Variants in EPC1 observed in about 807,000 individuals in gnomAD.
EPC1 encodes enhancer of polycomb homolog 1.
EPC1 carries 12 observed loss-of-function variants against 98.4 expected under a neutral mutation model. The ratio of observed to expected loss-of-function variants is 0.12; its 90% CI spans 0.08 to 0.20. EPC1 has a LOEUF of 0.20. Ranked by LOEUF, EPC1 falls within the 10% of genes least tolerant of loss-of-function variation. The pLI is 1.00. For missense variants in EPC1, 729 were observed against 990.5 expected, an observed-to-expected ratio of 0.74 and a Z score of 3.54; for synonymous variants, 357 against 363.9, an observed-to-expected ratio of 0.98 and a Z score of 0.21.
Position 32,271,863 on chromosome 10 carries a change from G to C in EPC1, c.2060C>G (p.Thr687Arg), listed in dbSNP as rs1193755127. The C allele has an allele frequency of 6.2e-7, 1 of 1,614,162 alleles. No individual in the cohort carries two copies. The highest frequency in any genetic ancestry group is 8.5e-7 in the Non-Finnish European group (1 of 1,180,026). ...SSTTPTALVHTSPSTAGSALL... is the reference protein window; with the variant it reads ...SSTTPTALVHRSPSTAGSALL... ...AGCTGAACCTGCCGTTGATGGACTT[G>C]TATGTACAAGTGCTGTTGGTGTAGT... is the stretch of plus-strand genomic sequence containing the variant. The change falls in exon 13 of 14, where the codon ACA becomes AGA. Residue 687 changes from threonine (T) to arginine (R), a missense_variant. Thr to Arg is a moderately conservative substitution (Grantham distance 71). Coordinates refer to ENST00000319778, the MANE Select transcript of EPC1 (RefSeq NM_001272004.3).
chr10:32,293,102 G>A lies in EPC1; in HGVS notation c.552C>T (p.Asn184=). 1 of 1,613,184 alleles carries A rather than the reference G, an allele frequency of 6.2e-7. No individual in the cohort carries two copies. Among genetic ancestry groups the A allele is most frequent in the Non-Finnish European group, 8.5e-7 (1 of 1,179,370 alleles). ...ATGGAATAAGAGATGGCCCTCGACA[G>A]TTTTTTCTCTTTTTAATCCAATATT... ...VYEYWIKKRK[N]CRGPSLIPSV... Residue 184 remains asparagine (N), a synonymous_variant, in exon 4 of 14, where the codon AAC becomes AAT. Transcript: ENST00000319778.
At chr10:32,352,344 G>A (rs1371350834) in intron 1 of EPC1, among the ~76,000 whole-genome samples, 1 of 151,866 alleles carries the variant, frequency 6.6e-6, no homozygotes, top group Non-Finnish European at 1.5e-5. Flanking sequence ...ACTGCGCCCC[G>A]CCCAGCTGTA....
intron 6 of EPC1, among the ~76,000 whole-genome samples, chr10:32,290,919 C>T (rs112038915): frequency 0.05 from 7,608 of 151,786 alleles, 606 homozygotes; most frequent in African/African-American, 0.17. Flanking sequence ...GGATTGCAGG[C>T]GCATGCCACC....
intron 1 of EPC1, among the ~76,000 whole-genome samples, chr10:32,332,572 G>A (rs975510181): frequency 4.6e-5 from 7 of 152,224 alleles, no homozygotes; most frequent in Admixed American, 1.3e-4. Context: ...CACACAGGTA[G>A]TAGAGAGAAC....
intron 1 of EPC1, among the ~76,000 whole-genome samples, chr10:32,378,185 A>G (rs2133135128): frequency 6.6e-6 from 1 of 152,342 alleles, no homozygotes; most frequent in South Asian, 2.1e-4. Context: ...GAGGATATGC[A>G]CATATTTGGC....
intron 10 of EPC1, among the ~76,000 whole-genome samples, chr10:32,277,240 T>C (rs1836151765): frequency 6.6e-6 from 1 of 152,080 alleles, no homozygotes; most frequent in South Asian, 2.1e-4. Context: ...ATCCTATGTG[T>C]GGGACAGGAT....
chr10:32,368,927 T>G (rs151274161), intron 1 of EPC1, among the ~76,000 whole-genome samples: 267 of 152,278 alleles, frequency 1.8e-3, no homozygotes, highest in Middle Eastern at 3.4e-3. Context: ...CTTTGTTTGA[T>G]AGAAGAAGAA....
chr10:32,332,520 C>A (rs1837700631), intron 1 of EPC1, among the ~76,000 whole-genome samples: 1 of 152,212 alleles, frequency 6.6e-6, no homozygotes, highest in African/African-American at 2.4e-5. Flanking sequence ...TGCTGTCTTA[C>A]CACTTGGTAC....
intron 1 of EPC1, among the ~76,000 whole-genome samples, chr10:32,343,782 A>T (rs1235699188): frequency 2.6e-5 from 4 of 152,214 alleles, no homozygotes; most frequent in African/African-American, 9.6e-5. Flanking sequence ...TAGTATTAAA[A>T]CTGGTTAAAT....
intron 2 of EPC1, among the ~76,000 whole-genome samples, chr10:32,299,427 C>T (rs1051311398): frequency 1.3e-5 from 2 of 152,076 alleles, no homozygotes; most frequent in African/African-American, 4.8e-5. Flanking sequence ...TTCAGGTGGC[C>T]CGCCCACCTT....
chr10:32,366,909 T>TAA (rs1213938727), intron 1 of EPC1, among the ~76,000 whole-genome samples: 1 of 151,534 alleles, frequency 6.6e-6, no homozygotes, highest in Non-Finnish European at 1.5e-5. Context: ...ATTCCAGAGC[T>TAA]AAAAAAAAAT....
At chr10:32,373,086 TA>T (rs1839796431) in intron 1 of EPC1, among the ~76,000 whole-genome samples, 1 of 152,098 alleles carries the variant, frequency 6.6e-6, no homozygotes, top group Non-Finnish European at 1.5e-5. Flanking sequence ...CATGTGATAG[TA>T]AAGAAAAGGA....
At chr10:32,345,181 TC>T (rs1175185181) in intron 1 of EPC1, 20 of 984,204 alleles carry the variant, frequency 2.0e-5, no homozygotes, top group Non-Finnish European at 2.4e-5. Context: ...GCCATGCTAC[TC>T]TAAAGTTGAT....
At position 32,286,797 on chromosome 10, in the gene EPC1, C is replaced by G. The variant is rs1356527185; in HGVS notation, c.1288G>C (p.Asp430His). ...TGNWPWTSPKDGGLGDVRYRY... is the reference protein window; with the variant it reads ...TGNWPWTSPKHGGLGDVRYRY... ...TATCGCACATCCCCTAATCCTCCATCTTTAGGACTAGTCCAAGGCCAGTTG... is the reference window on the plus strand; with the variant it reads ...TATCGCACATCCCCTAATCCTCCATGTTTAGGACTAGTCCAAGGCCAGTTG... The change falls in exon 9 of 14, where the codon GAT becomes CAT. Residue 430 changes from aspartate (D) to histidine (H), a missense_variant. By Grantham distance (81) the Asp-to-His change is moderately conservative. Transcript: ENST00000319778. 6.2e-7 allele frequency: 1 copy of G among 1,614,048 alleles called. No individual in the cohort carries two copies. Among genetic ancestry groups the G allele is most frequent in the East Asian group, 2.2e-5 (1 of 44,878 alleles).
intron 1 of EPC1, among the ~76,000 whole-genome samples, chr10:32,313,570 T>C (rs149804171): frequency 1.3e-5 from 2 of 152,304 alleles, no homozygotes; most frequent in South Asian, 2.1e-4. Flanking sequence ...TCTGCAGGAA[T>C]TGGAGTTAAG....
At chr10:32,347,223 G>A (rs1273158457), upstream of EPC1, 10 of 1,222,786 alleles carry the variant, frequency 8.2e-6, no homozygotes, top group Admixed American at 8.6e-5. Flanking sequence ...GCACGCGGGC[G>A]GGGGGAGGGA....
rs1835702289 is a variant in EPC1 at position 32,268,861 on chromosome 10, ATTC to A, written c.*199_*201del. The A allele has an allele frequency of 3.9e-6, 2 of 513,996 alleles. No homozygotes were observed. Among genetic ancestry groups the A allele is most frequent in the African/African-American group, 1.9e-5 (1 of 51,596 alleles). The allele number at this position is 513,996 out of a possible 1,614,324, so 31.8% of individuals were successfully genotyped here. A position where few individuals can be genotyped will look rare whatever the true frequency, so the allele number is the denominator to read the frequency against. Reference sequence around the variant, plus strand: ...GCAGTACTGTACAGATAATTGCTGTATTCTTAATTTACAGATGTTGATTTTTTT... The same window carrying A: ...GCAGTACTGTACAGATAATTGCTGTATTAATTTACAGATGTTGATTTTTTT... On this transcript the variant is annotated 3_prime_UTR_variant, in exon 14 of 14. Transcript: ENST00000319778.
intron 1 of EPC1, among the ~76,000 whole-genome samples, chr10:32,322,012 C>T (rs1425424876): frequency 6.7e-6 from 1 of 150,088 alleles, no homozygotes; most frequent in Non-Finnish European, 1.5e-5. Flanking sequence ...ACAGGATTCT[C>T]CTTAGAGTAC....
In EPC1 at chr10:32,273,247, C is replaced by A; in HGVS notation, c.1779G>T (p.Gln593His). ...GCTGTTTCTGCATGAGTGCCAGTTG[C>A]TGTTGATGTTGCTGGTATTGTTCGG... ...FTAEQYQQHQQQLALMQKQQL... is the reference protein window; with the variant it reads ...FTAEQYQQHQHQLALMQKQQL... The change falls in exon 11 of 14, where the codon CAG (glutamine) becomes CAT (histidine). Residue 593 changes from glutamine to histidine, a missense_variant. Physicochemically the swap from Gln to His is conservative, Grantham distance 24. This residue lies in a region of EPC1 where 390 missense variants were observed against 438.6 expected (regional missense o/e 0.89). Coordinates refer to ENST00000319778, the MANE Select transcript of EPC1 (RefSeq NM_001272004.3). 2 of 1,613,858 alleles carry A rather than the reference C, an allele frequency of 1.2e-6. No individual in the cohort carries two copies. The highest frequency in any genetic ancestry group is 1.7e-6 in the Non-Finnish European group (2 of 1,179,758).
Sources: allele counts gnomAD v4.1 joint callset (sites outside exome capture counted in the v4.1 genomes callset), GRCh38; gene constraint gnomAD v4.1.1; regional missense constraint gnomAD v4.1.1; transcripts MANE v1.5; gene names NCBI Gene and HGNC (gene_info 2026-07-23, HGNC 2026-07-21).